CEP192: variants seen among roughly 807,000 people sequenced by gnomAD.
The protein encoded by CEP192 is centrosomal protein 192, also known as centrosomal protein of 192 kDa.
Under a neutral mutation model 271.8 loss-of-function variants are expected in CEP192, and 151 were observed. That is an observed-to-expected ratio of 0.56 (90% confidence interval 0.49 to 0.64). The LOEUF is 0.64. Among genes scored for constraint, CEP192 ranks in the 30% least tolerant of loss-of-function variants. The pLI is 0.00. For synonymous variants in CEP192, 995 were observed against 1,076.5 expected (o/e 0.92, Z 1.48); for missense variants, 2,910 against 3,020.5 (o/e 0.96, Z 0.86).
At chr18:13,047,366 C>T (rs1193828287) in intron 15 of CEP192, among the ~76,000 whole-genome samples, 2 of 145,592 alleles carry the variant, frequency 1.4e-5, no homozygotes, top group African/African-American at 2.4e-5. Flanking sequence ...AACATACACA[C>T]ACACACACAC....
At chr18:13,091,241 A>T (rs2039132297) in intron 33 of CEP192, among the ~76,000 whole-genome samples, 1 of 152,218 alleles carries the variant, frequency 6.6e-6, no homozygotes, top group Admixed American at 6.5e-5. Flanking sequence ...CCAAAAATTA[A>T]GTACACATAT....
intron 9 of CEP192, among the ~76,000 whole-genome samples, chr18:13,028,442 C>A (rs185359475): frequency 6.6e-6 from 1 of 152,330 alleles, no homozygotes; most frequent in East Asian, 1.9e-4. Flanking sequence ...ATAAGACAAT[C>A]ATCTGTATTT....
chr18:13,067,813 C>G lies in CEP192; in HGVS notation c.4489-18C>G, dbSNP rs1275102714. 6.3e-7 allele frequency: 1 copy of G among 1,591,492 alleles called. No individual in the cohort carries two copies. Among genetic ancestry groups the G allele is most frequent in the Admixed American group, 1.7e-5 (1 of 58,730 alleles). On this transcript the variant is annotated intron_variant, in intron 21 of 44. Coordinates refer to ENST00000506447, the MANE Select transcript of CEP192 (RefSeq NM_032142.4). Reference sequence around the variant, plus strand: ...ATATATTGCTTTTCATAAATCATTCCCTTTTTTTGATAATTAGGTAGAAAC... The same window carrying G: ...ATATATTGCTTTTCATAAATCATTCGCTTTTTTTGATAATTAGGTAGAAAC...
chr18:13,012,596 G>A (rs951215206), intron 4 of CEP192, among the ~76,000 whole-genome samples: 18 of 152,092 alleles, frequency 1.2e-4, no homozygotes, highest in Admixed American at 3.9e-4. Context: ...CCTTTGTTGC[G>A]TCTCGTGTGT....
chr18:13,058,389 A>G (rs763267120), intron 20 of CEP192: 3 of 152,410 alleles, frequency 2.0e-5, no homozygotes, highest in African/African-American at 4.8e-5. Flanking sequence ...GTGAATCAGT[A>G]TTGGTGGATG....
intron 36 of CEP192, among the ~76,000 whole-genome samples, chr18:13,099,112 T>C (rs951272164): frequency 7.1e-6 from 1 of 140,744 alleles, no homozygotes; most frequent in African/African-American, 2.7e-5. Flanking sequence ...GAGGTTGCAG[T>C]GAGCCGAGAT....
At position 13,015,357 on chromosome 18, in the gene CEP192, T is replaced by A; in HGVS notation, c.549T>A (p.Phe183Leu). 6.5e-7 allele frequency: 1 copy of A among 1,550,384 alleles called. No homozygotes were observed. Among genetic ancestry groups the A allele is most frequent in the Non-Finnish European group, 8.7e-7 (1 of 1,146,632 alleles). Residue 183 changes from phenylalanine to leucine, a missense_variant, in exon 6 of 45, where the codon TTT becomes TTA. Coordinates refer to ENST00000506447, the MANE Select transcript of CEP192 (RefSeq NM_032142.4). ...TTGTGCTTGATGCTGGAAAACATTT[T>A]GAAGACAAGACTCTAAAGAGTGACC... ...KIVVLDAGKH[F>L]EDKTLKSDLS...
rs770832334 is a variant in CEP192 at position 13,048,942 on chromosome 18, C to CATTG, written c.2152_2155dup (p.Ala719AspfsTer11). The stretch of plus-strand genomic sequence containing the variant: ...GTGATTCTATGCTTAGGATCAGCAC[C>CATTG]ATTGCTTCAGCCATTGCAGAGGCAT... On this transcript the variant is annotated frameshift_variant, in exon 16 of 45. Transcript: ENST00000506447. LOFTEE classifies it high-confidence loss of function. 6.2e-7 allele frequency: 1 copy of CATTG among 1,613,840 alleles called. No homozygotes were observed. The highest frequency in any genetic ancestry group is 8.5e-7 in the Non-Finnish European group (1 of 1,179,888).
intron 19 of CEP192, among the ~76,000 whole-genome samples, chr18:13,057,244 GT>G (rs1358014175): frequency 4.7e-5 from 2 of 42,494 alleles, no homozygotes; most frequent in African/African-American, 1.1e-4. Flanking sequence ...GCCTCTGGAG[GT>G]TTTTTTTGTT....
At chr18:13,093,405 C>G (rs2144766248) in intron 34 of CEP192, among the ~76,000 whole-genome samples, 1 of 152,278 alleles carries the variant, frequency 6.6e-6, no homozygotes, top group Non-Finnish European at 1.5e-5. Flanking sequence ...TTTGGTTATC[C>G]TATCTGCTTA....
intron 30 of CEP192, among the ~76,000 whole-genome samples, chr18:13,079,228 T>C (rs2038456726): frequency 6.6e-6 from 1 of 152,242 alleles, no homozygotes; most frequent in Non-Finnish European, 1.5e-5. Context: ...TCCACAATGA[T>C]TGAACTAGTT....
chr18:13,034,980 G>T (rs1354882519), intron 11 of CEP192, among the ~76,000 whole-genome samples: 1 of 152,106 alleles, frequency 6.6e-6, no homozygotes, highest in Non-Finnish European at 1.5e-5. Flanking sequence ...TCCACGTTTG[G>T]CCTCGGAAGC....
At chr18:13,001,998 G>A (rs563936055) in intron 3 of CEP192, among the ~76,000 whole-genome samples, 25 of 152,332 alleles carry the variant, frequency 1.6e-4, no homozygotes, top group African/African-American at 5.8e-4. Flanking sequence ...AATTGTAGGC[G>A]TGAGCCACCG....
At position 13,103,533 on chromosome 18, in the gene CEP192, A is replaced by T. The variant is rs750817241; in HGVS notation, c.6896A>T (p.His2299Leu). ...GAGAGCTGTCTAGAACTCGAGAATC[A>T]TGGCACCACAGACGTGAAATGGCAT... is the stretch of plus-strand genomic sequence containing the variant. ...TSESCLELEN[H>L]GTTDVKWHLS... Residue 2299 changes from histidine to leucine, a missense_variant, in exon 39 of 45, where the codon CAT (histidine) becomes CTT (leucine). Physicochemically the swap from His to Leu is moderately conservative, Grantham distance 99 (BLOSUM62 -3). Coordinates refer to ENST00000506447, the MANE Select transcript of CEP192 (RefSeq NM_032142.4). 26 of 1,613,846 alleles carry T rather than the reference A, an allele frequency of 1.6e-5. 1 individual carries two copies. The South Asian group carries it at 2.9e-4, about 18-fold the overall frequency.
intron 9 of CEP192, among the ~76,000 whole-genome samples, chr18:13,024,684 A>G (rs1316293962): frequency 6.6e-6 from 1 of 151,874 alleles, no homozygotes; most frequent in African/African-American, 2.4e-5. Flanking sequence ...GATGGTCTTG[A>G]TCTCCTGACC....
rs367781927 is a variant in CEP192 at position 13,113,724 on chromosome 18, T to G, written c.7167+19T>G. ...TGGACAAGTGAGTAGTACACTGAATTTAAGTAAATTATTGTATGTATTTTA... is the reference window on the plus strand; with the variant it reads ...TGGACAAGTGAGTAGTACACTGAATGTAAGTAAATTATTGTATGTATTTTA... On this transcript the variant is annotated intron_variant, in intron 41 of 44. Coordinates refer to ENST00000506447, the MANE Select transcript of CEP192 (RefSeq NM_032142.4). The G allele has an allele frequency of 2.5e-6, 4 of 1,576,282 alleles. No individual in the cohort carries two copies. Among genetic ancestry groups the G allele is most frequent in the Non-Finnish European group, 3.4e-6 (4 of 1,165,968 alleles).
At chr18:13,055,642 A>G in intron 18 of CEP192, 138 bp from the exon 19 acceptor site, 2 of 578,596 alleles carry the variant, frequency 3.5e-6, no homozygotes, top group Non-Finnish European at 3.0e-6. Context: ...CAAGACTACT[A>G]TTTTTGTGTA....
At chr18:13,066,927 T>C (rs575429072) in intron 21 of CEP192, among the ~76,000 whole-genome samples, 91 of 151,926 alleles carry the variant, frequency 6.0e-4, no homozygotes, top group African/African-American at 2.2e-3. Context: ...CTACTTATTT[T>C]GTGTTTGGCT....
chr18:13,000,961 C>T (rs2033606896), intron 2 of CEP192, among the ~76,000 whole-genome samples: 1 of 152,088 alleles, frequency 6.6e-6, no homozygotes, highest in African/African-American at 2.4e-5. Flanking sequence ...TCAAGAAAAA[C>T]CCCCAAAACT....
Sources: gnomAD v4.1 joint callset for allele counts (sites outside exome capture counted in the v4.1 genomes callset) on GRCh38, gnomAD v4.1.1 for gene constraint, MANE v1.5 for transcripts, NCBI Gene and HGNC (gene_info 2026-07-23, HGNC 2026-07-21) for gene names.